The following FGD4 variants were observed in gnomAD, a reference collection of about 807,000 sequenced individuals.
FGD4 encodes FYVE, RhoGEF and PH domain containing 4.
A neutral mutation model predicts 102.0 loss-of-function variants in FGD4; 42 were observed. The ratio of observed to expected loss-of-function variants is 0.41; its 90% confidence interval spans 0.32 to 0.53. The LOEUF (loss-of-function observed/expected upper bound fraction) is 0.53. FGD4 is among the 20% of genes least tolerant of loss of function. The pLI is 0.21. For missense variants in FGD4, 902 were observed against 1,078.2 expected (o/e 0.84, Z 2.29); for synonymous variants, 380 against 375.7 (o/e 1.01, Z -0.13).
chr12:32,416,044 G>A (rs1213113776), intron 1 of FGD4, among the ~76,000 whole-genome samples: 1 of 152,156 alleles, frequency 6.6e-6, no homozygotes, highest in Admixed American at 6.5e-5. Context: ...CACCCAGGCC[G>A]AAGTGCAGTG....
chr12:32,419,073 C>T (rs1178950168), intron 1 of FGD4, among the ~76,000 whole-genome samples: 2 of 152,132 alleles, frequency 1.3e-5, no homozygotes, highest in Non-Finnish European at 2.9e-5. Context: ...CAGCTTGTGA[C>T]CAATGCTGCC....
At chr12:32,619,133 G>A (rs893922468) in intron 10 of FGD4, among the ~76,000 whole-genome samples, 1 of 152,172 alleles carries the variant, frequency 6.6e-6, no homozygotes, top group Non-Finnish European at 1.5e-5. Flanking sequence ...ACTTAGTGCA[G>A]TAGTACAAAA....
intron 1 of FGD4, among the ~76,000 whole-genome samples, chr12:32,463,298 A>C (rs1028038247): frequency 1.3e-5 from 2 of 152,240 alleles, no homozygotes; most frequent in African/African-American, 4.8e-5. Context: ...GAAAAGAGTA[A>C]AACTTCAACC....
At chr12:32,632,633 T>G (rs1340826310) in intron 14 of FGD4, among the ~76,000 whole-genome samples, 1 of 152,132 alleles carries the variant, frequency 6.6e-6, no homozygotes, top group Non-Finnish European at 1.5e-5. Context: ...AAGGAAAGTC[T>G]GAAAGATTTT....
intron 1 of FGD4, among the ~76,000 whole-genome samples, chr12:32,530,996 G>A (rs1941756595): frequency 8.0e-6 from 1 of 125,786 alleles, no homozygotes. Flanking sequence ...TCTGTCGCCA[G>A]GCTGGAGTGC....
In FGD4 at chr12:32,640,197, A is replaced by G; in HGVS notation, c.2455-79A>G. The G allele has an allele frequency of 1.9e-6, 3 of 1,606,888 alleles. No homozygotes were observed. In the South Asian group the frequency reaches 3.3e-5, roughly 18 times the overall value. On this transcript the variant is annotated intron_variant, in intron 16 of 16. Coordinates refer to ENST00000534526, the MANE Select transcript of FGD4 (RefSeq NM_001370298.3). The stretch of plus-strand genomic sequence containing the variant: ...GTCTGTTTGGGACAGTGGTAGGAAG[A>G]GAGGTTTAGTAGGAGCAAGGGACAC...
intron 2 of FGD4, among the ~76,000 whole-genome samples, chr12:32,564,680 G>A (rs1450335898): frequency 6.6e-6 from 1 of 152,206 alleles, no homozygotes; most frequent in African/African-American, 2.4e-5. Flanking sequence ...ACAGCACTTC[G>A]TGTACTTATC....
intron 1 of FGD4, among the ~76,000 whole-genome samples, chr12:32,433,787 A>T (rs1423272454): frequency 6.6e-6 from 1 of 152,176 alleles, no homozygotes; most frequent in Non-Finnish European, 1.5e-5. Flanking sequence ...CATGGGATGC[A>T]ATGAAACATC....
chr12:32,594,072 C>G (rs1458510456), intron 4 of FGD4, among the ~76,000 whole-genome samples: 1 of 152,138 alleles, frequency 6.6e-6, no homozygotes, highest in Non-Finnish European at 1.5e-5. Flanking sequence ...TATTCCATAT[C>G]TTGATTATGG....
At chr12:32,606,776 A>C (rs977625624) in intron 7 of FGD4, among the ~76,000 whole-genome samples, 6 of 152,176 alleles carry the variant, frequency 3.9e-5, no homozygotes, top group Admixed American at 1.3e-4. Flanking sequence ...GAACAAGAAC[A>C]TTTCTTATTT....
At chr12:32,401,408 C>T (rs1025200017) in intron 1 of FGD4, among the ~76,000 whole-genome samples, 3 of 151,814 alleles carry the variant, frequency 2.0e-5, no homozygotes, top group Non-Finnish European at 4.4e-5. Context: ...TGCAAGCATG[C>T]GCCACCACGC....
intron 1 of FGD4, among the ~76,000 whole-genome samples, chr12:32,407,991 T>C (rs1941017691): frequency 6.6e-6 from 1 of 150,772 alleles, no homozygotes; most frequent in South Asian, 2.1e-4. Context: ...TTTATTTATT[T>C]ATTTATTTAT....
intron 5 of FGD4, 82 bp from the exon 6 acceptor site, chr12:32,601,196 A>G (rs1565892320): frequency 1.4e-6 from 2 of 1,448,220 alleles, no homozygotes; most frequent in Non-Finnish European, 1.9e-6. Flanking sequence ...AAAAGTTACT[A>G]AGAGCCCACT....
intron 7 of FGD4, among the ~76,000 whole-genome samples, chr12:32,606,695 T>G (rs182982791): frequency 6.6e-6 from 1 of 152,222 alleles, no homozygotes; most frequent in African/African-American, 2.4e-5. Flanking sequence ...ATAGCTTTGA[T>G]GCTTTGCAGT....
chr12:32,607,652 C>G (rs1458964222), intron 7 of FGD4, among the ~76,000 whole-genome samples: 1 of 152,166 alleles, frequency 6.6e-6, no homozygotes, highest in South Asian at 2.1e-4. Flanking sequence ...ATAGCTGGGA[C>G]TACAGGCGTG....
chr12:32,592,378 TA>T (rs1947556723), intron 4 of FGD4, among the ~76,000 whole-genome samples: 1 of 152,050 alleles, frequency 6.6e-6, no homozygotes, highest in African/African-American at 2.4e-5. Flanking sequence ...AATTATATTT[TA>T]ATCATAAATT....
chr12:32,466,867 CAA>C (rs35375727), intron 1 of FGD4, among the ~76,000 whole-genome samples: 766 of 62,750 alleles, frequency 0.012, 2 homozygotes, highest in African/African-American at 0.04. Flanking sequence ...GAGTCTGTCT[CAA>C]AAAAAAAAAA....
chr12:32,427,806 C>A (rs1420314088), intron 1 of FGD4, among the ~76,000 whole-genome samples: 1 of 152,148 alleles, frequency 6.6e-6, no homozygotes, highest in Non-Finnish European at 1.5e-5. Flanking sequence ...GATCCCTTTA[C>A]CATTATGTAA....
At chr12:32,401,097 T>TCTCAC (rs1940643399) in intron 1 of FGD4, among the ~76,000 whole-genome samples, 1 of 152,252 alleles carries the variant, frequency 6.6e-6, no homozygotes, top group Non-Finnish European at 1.5e-5. Context: ...TCTCTTCCAG[T>TCTCAC]CTTAGGTGTG....
Sources: allele counts gnomAD v4.1 joint callset (sites outside exome capture counted in the v4.1 genomes callset), GRCh38; gene constraint gnomAD v4.1.1; transcripts MANE v1.5; gene names NCBI Gene and HGNC (gene_info 2026-07-23, HGNC 2026-07-21).